Variants in TUSC3 observed in about 807,000 individuals in gnomAD.
TUSC3 encodes tumor suppressor candidate 3.
Under a neutral mutation model 44.8 loss-of-function variants are expected in TUSC3, and 45 were observed. The observed-to-expected ratio is 1.00, with a 90% CI of 0.79 to 1.29. The LOEUF (loss-of-function observed/expected upper bound fraction) is 1.29, where lower values mean the gene tolerates loss of function less well. TUSC3 is among the 50% of genes most tolerant of loss of function. The pLI is 0.00. For synonymous variants in TUSC3, 212 were observed against 152.9 expected (o/e 1.39, Z -2.85); for missense variants, 519 against 437.9 (o/e 1.19, Z -1.65).
At position 15,765,686 on chromosome 8, in the gene TUSC3, T is replaced by G. The variant is rs1282272526; in HGVS notation, c.*1530T>G. 6.6e-6 allele frequency: 1 copy of G among 152,058 alleles called. No homozygotes were observed. The highest frequency in any genetic ancestry group is 1.5e-5 in the Non-Finnish European group (1 of 67,954). 9.4% of individuals were successfully genotyped at this position (152,058 alleles called of 1,614,324 possible). Reference sequence around the variant, plus strand: ...CCCAAATCTGTTACTAAAAATAACATAAATTCTCCTAGTTCATGTACTTAG... The same window carrying G: ...CCCAAATCTGTTACTAAAAATAACAGAAATTCTCCTAGTTCATGTACTTAG... On this transcript the variant is annotated 3_prime_UTR_variant, in exon 11 of 11. Transcript: ENST00000503731.
the TUSC3 span, chr8:15,806,810 G>T: frequency 1.1e-6 from 1 of 874,248 alleles, no homozygotes; most frequent in Non-Finnish European, 1.9e-6. Flanking sequence ...AATTTGTGAA[G>T]AAATGAACTT....
rs146249364 is a variant in TUSC3 at position 15,598,804 on chromosome 8, A to G, written c.139-24276A>G. On this transcript the variant is annotated intron_variant, in intron 1 of 10. Transcript: ENST00000503731. ...TTTTTTTTATAGCACTGAATAATCT[A>G]TTGTCTGGATGTACCAGTTTATTTA... 1.8e-4 allele frequency among the ~76,000 whole-genome samples: 27 copies of G among 151,646 alleles called. No individual in the cohort carries two copies. The East Asian group carries it at 4.8e-3, about 27-fold the overall frequency.
intron 1 of TUSC3, among the ~76,000 whole-genome samples, chr8:15,575,032 T>C (rs916936279): frequency 6.6e-6 from 1 of 152,160 alleles, no homozygotes; most frequent in Non-Finnish European, 1.5e-5. Flanking sequence ...TCTTGAAGTA[T>C]TTAGAAAATT....
chr8:15,507,431 T>C (rs537700952), intron 2 of TUSC3, among the ~76,000 whole-genome samples: 1 of 152,190 alleles, frequency 6.6e-6, no homozygotes, highest in African/African-American at 2.4e-5. Flanking sequence ...GAAAGTGGAA[T>C]ATTTGCTAAA....
intron 3 of TUSC3, 87 bp downstream of exon 3, chr8:15,650,901 C>G (rs1806872660): frequency 7.1e-7 from 1 of 1,399,702 alleles, no homozygotes; most frequent in Non-Finnish European, 1.0e-6. Flanking sequence ...ACAATTCATT[C>G]ATCGTCTGAA....
intron 2 of TUSC3, among the ~76,000 whole-genome samples, chr8:15,640,575 A>G (rs2129171566): frequency 6.6e-6 from 1 of 152,326 alleles, no homozygotes; most frequent in South Asian, 2.1e-4. Flanking sequence ...TCAGATCTGT[A>G]GAATAAGCCT....
intron 1 of TUSC3, among the ~76,000 whole-genome samples, chr8:15,596,670 A>G (rs562882374): frequency 2.0e-5 from 3 of 151,984 alleles, no homozygotes; most frequent in Admixed American, 6.6e-5. Context: ...TTTTTCTTTA[A>G]TTGATTTTAT....
chr8:15,491,508 A>G (rs1348342388), intron 2 of TUSC3, among the ~76,000 whole-genome samples: 1 of 152,206 alleles, frequency 6.6e-6, no homozygotes, highest in Admixed American at 6.5e-5. Flanking sequence ...TTAGGTAACT[A>G]AGGCATGAAG....
At chr8:15,813,612 T>C in the TUSC3 span, among the ~76,000 whole-genome samples, 64 of 152,204 alleles carry the variant, frequency 4.2e-4, no homozygotes, top group African/African-American at 1.5e-3. Context: ...TAAGAATGTA[T>C]ATGATTCTAA....
intron 6 of TUSC3, among the ~76,000 whole-genome samples, chr8:15,704,183 G>C (rs1809520153): frequency 1.3e-5 from 2 of 151,352 alleles, no homozygotes; most frequent in African/African-American, 2.4e-5. Flanking sequence ...AAGGAAATGA[G>C]AGAGTGATTT....
chr8:15,540,639 C>T, intron 1 of TUSC3, 71 bp downstream of exon 1: 2 of 1,453,230 alleles, frequency 1.4e-6, no homozygotes, highest in Non-Finnish European at 1.8e-6. Context: ...GCCAGGCAGC[C>T]CTGCCGTGTT....
chr8:15,790,399 G>C, the TUSC3 span, among the ~76,000 whole-genome samples: 165 of 152,016 alleles, frequency 1.1e-3, 1 homozygote, highest in African/African-American at 3.0e-3. Flanking sequence ...TGGCCGGGAT[G>C]GTCTCCATGT....
chr8:15,788,735 G>A, the TUSC3 span, among the ~76,000 whole-genome samples: 1 of 152,096 alleles, frequency 6.6e-6, no homozygotes, highest in South Asian at 2.1e-4. Context: ...AACAGAATGT[G>A]CCAAGAATGC....
intron 6 of TUSC3, among the ~76,000 whole-genome samples, chr8:15,685,012 G>T (rs1396204603): frequency 1.3e-5 from 2 of 152,192 alleles, no homozygotes; most frequent in Non-Finnish European, 2.9e-5. Context: ...CTCTCTTGCA[G>T]CCTAGCAGAC....
the TUSC3 span, among the ~76,000 whole-genome samples, chr8:15,810,386 T>A: frequency 2.0e-5 from 3 of 152,160 alleles, no homozygotes; most frequent in African/African-American, 7.2e-5. Flanking sequence ...GTCTATAATC[T>A]CTGCACTTTG....
At chr8:15,729,422 C>A (rs1810624341) in intron 6 of TUSC3, among the ~76,000 whole-genome samples, 1 of 152,186 alleles carries the variant, frequency 6.6e-6, no homozygotes, top group Non-Finnish European at 1.5e-5. Flanking sequence ...TTCTAAGTCT[C>A]AGTTTCCTCA....
chr8:15,498,226 T>C (rs1800910226), intron 2 of TUSC3, among the ~76,000 whole-genome samples: 2 of 152,194 alleles, frequency 1.3e-5, no homozygotes, highest in Admixed American at 1.3e-4. Context: ...ACCTTAAGAT[T>C]GTACCTTCCA....
chr8:15,577,361 G>C (rs1287779908), intron 1 of TUSC3, among the ~76,000 whole-genome samples: 2 of 151,692 alleles, frequency 1.3e-5, no homozygotes, highest in Non-Finnish European at 1.5e-5. Context: ...CATTGCTTTT[G>C]GTGTTTTGGA....
chr8:15,523,650 ATATATATATATATATGTGTGTGTG>A (rs1256024324), intron 2 of TUSC3, among the ~76,000 whole-genome samples: 903 of 44,080 alleles, frequency 0.02, 17 homozygotes, highest in African/African-American at 0.063. Flanking sequence ...ATATATATAT[ATATATATATATATATGTGTGTGTG>A]TGTGTGTGTG....
Sources: allele counts gnomAD v4.1 joint callset (sites outside exome capture counted in the v4.1 genomes callset), GRCh38; gene constraint gnomAD v4.1.1; transcripts MANE v1.5; gene names NCBI Gene and HGNC (gene_info 2026-07-23, HGNC 2026-07-21).